FAAH2: variants seen among roughly 807,000 people sequenced by gnomAD.
FAAH2 encodes fatty-acid amide hydrolase 2.
A neutral mutation model predicts 36.9 loss-of-function variants in FAAH2; 60 were observed. That is an observed-to-expected ratio of 1.63 (90% CI 1.32 to 2.02). The LOEUF (loss-of-function observed/expected upper bound fraction) is 2.02, where lower values mean the gene tolerates loss of function less well. FAAH2 is among the 30% of genes most tolerant of loss of function. The pLI is 0.00. For synonymous variants in FAAH2, 214 were observed against 143.8 expected (o/e 1.49, Z -3.49); for missense variants, 689 against 397.5 (o/e 1.73, Z -6.23).
At chrX:57,241,024 G>A in the FAAH2 span, among the ~76,000 whole-genome samples, 8 of 111,888 alleles carry the variant, frequency 7.2e-5, no homozygotes, top group South Asian at 3.0e-3. Context: ...GTGCTCCACT[G>A]CAGCCATTCT....
At chrX:57,380,287 T>G (rs775977185) in intron 6 of FAAH2, among the ~76,000 whole-genome samples, 2 of 111,565 alleles carry the variant, frequency 1.8e-5, no homozygotes, top group East Asian at 5.7e-4. Flanking sequence ...CTTCAACCAT[T>G]TTCCATACAC....
the FAAH2 span, among the ~76,000 whole-genome samples, chrX:57,249,898 C>T: frequency 8.9e-6 from 1 of 111,975 alleles, no homozygotes; most frequent in African/African-American, 3.2e-5. Flanking sequence ...TTCAAAATGA[C>T]TATTGCTTAG....
In FAAH2 at chrX:57,301,409, C is replaced by G. The variant is rs1260442103; in HGVS notation, c.275+8829C>G. ...TTCTCACTCATAGGTGGGAATTGAACAATGAGAACACATGGACACAGGAAG... is the reference window on the plus strand; with the variant it reads ...TTCTCACTCATAGGTGGGAATTGAAGAATGAGAACACATGGACACAGGAAG... On this transcript the variant is annotated intron_variant, in intron 2 of 10. Transcript: ENST00000374900. Among the ~76,000 whole-genome samples the G allele has an allele frequency of 4.4e-5, 4 of 91,649 alleles. No individual in the cohort carries two copies. In the South Asian group the frequency reaches 2.2e-3, roughly 49 times the overall value. The allele number at this position is 91,649 out of a possible 115,157, so 79.6% of individuals were successfully genotyped here.
intron 7 of FAAH2, among the ~76,000 whole-genome samples, chrX:57,397,852 C>T (rs2055341538): frequency 9.2e-6 from 1 of 109,066 alleles, no homozygotes; most frequent in Non-Finnish European, 1.9e-5. Flanking sequence ...ATCCCTCCCC[C>T]TTCCCCCCAC....
At chrX:57,138,825 AC>A in the FAAH2 span, among the ~76,000 whole-genome samples, 2 of 111,874 alleles carry the variant, frequency 1.8e-5, no homozygotes. Flanking sequence ...GATTTAGAAT[AC>A]TTTTTATATA....
At chrX:57,453,173 A>G (rs1385340238) in intron 10 of FAAH2, among the ~76,000 whole-genome samples, 1 of 112,433 alleles carries the variant, frequency 8.9e-6, no homozygotes, top group Non-Finnish European at 1.9e-5. Flanking sequence ...AAGATCTTAG[A>G]TACAAAAAAT....
chrX:57,397,251 G>A (rs1287668703), intron 7 of FAAH2, among the ~76,000 whole-genome samples: 1 of 111,291 alleles, frequency 9.0e-6, no homozygotes, highest in Non-Finnish European at 1.9e-5. Context: ...CAGTATTTAG[G>A]CCATTTACAT....
At chrX:57,382,099 C>G (rs181233201) in intron 7 of FAAH2, among the ~76,000 whole-genome samples, 10 of 111,188 alleles carry the variant, frequency 9.0e-5, no homozygotes, top group African/African-American at 2.9e-4. Flanking sequence ...GAAATGAAGG[C>G]AGAAAAAAAG....
At chrX:57,452,406 C>G (rs947055237) in intron 10 of FAAH2, 1 of 674,254 alleles carries the variant, frequency 1.5e-6, no homozygotes, top group African/African-American at 2.4e-5. Flanking sequence ...TCTCTGAGAA[C>G]AAACTTGACT....
the FAAH2 span, among the ~76,000 whole-genome samples, chrX:57,258,883 T>G: frequency 7.4e-5 from 8 of 108,348 alleles, no homozygotes; most frequent in African/African-American, 2.7e-4. Context: ...TAATTTTGTT[T>G]TTTTTTTTTT....
intron 3 of FAAH2, among the ~76,000 whole-genome samples, chrX:57,318,260 T>C (rs1318818588): frequency 9.0e-6 from 1 of 110,978 alleles, no homozygotes; most frequent in East Asian, 2.8e-4. Context: ...CAAATAGATA[T>C]ACTGCTAGCC....
At chrX:57,418,121 C>T (rs1346969255) in intron 7 of FAAH2, among the ~76,000 whole-genome samples, 2 of 111,918 alleles carry the variant, frequency 1.8e-5, no homozygotes, top group African/African-American at 3.2e-5. Context: ...GACTGCTGTA[C>T]TCACAGTGAG....
the FAAH2 span, among the ~76,000 whole-genome samples, chrX:57,132,694 G>T: frequency 2.7e-5 from 3 of 112,223 alleles, no homozygotes; most frequent in South Asian, 7.4e-4. Context: ...CATCATATAC[G>T]AATAAAAACT....
chrX:57,429,679 G>A (rs753463850), intron 7 of FAAH2, among the ~76,000 whole-genome samples: 6 of 111,308 alleles, frequency 5.4e-5, no homozygotes, highest in Non-Finnish European at 1.1e-4. Flanking sequence ...TCCACTACTG[G>A]TTATCTACCA....
the FAAH2 span, among the ~76,000 whole-genome samples, chrX:57,264,832 G>A: frequency 8.9e-6 from 1 of 112,361 alleles, no homozygotes; most frequent in Non-Finnish European, 1.9e-5. Flanking sequence ...AATTAGGAGT[G>A]GCCAAGATGG....
At chrX:57,401,660 G>A (rs751388664) in intron 7 of FAAH2, among the ~76,000 whole-genome samples, 40 of 111,087 alleles carry the variant, frequency 3.6e-4, no homozygotes, top group South Asian at 3.8e-4. Context: ...GTTGGGCTTC[G>A]GGTCTAAGGG....
At chrX:57,157,959 A>T in the FAAH2 span, among the ~76,000 whole-genome samples, 1 of 110,570 alleles carries the variant, frequency 9.0e-6, no homozygotes, top group Admixed American at 9.6e-5. Flanking sequence ...TTAACTCATC[A>T]TTTAACATTA....
chrX:57,245,070 A>T, the FAAH2 span, among the ~76,000 whole-genome samples: 3 of 111,480 alleles, frequency 2.7e-5, no homozygotes, highest in Non-Finnish European at 5.7e-5. Context: ...AAAAAAGCAA[A>T]CATTGCAATC....
chrX:57,463,672 T>C lies in FAAH2; in HGVS notation c.1423+14954T>C, dbSNP rs150988978. Among the ~76,000 whole-genome samples the C allele has an allele frequency of 9.6e-4, 108 of 111,938 alleles. No individual in the cohort carries two copies. The East Asian group carries it at 0.029, about 30-fold the overall frequency. On this transcript the variant is annotated intron_variant, in intron 10 of 10. Coordinates refer to ENST00000374900, the MANE Select transcript of FAAH2 (RefSeq NM_174912.4). Reference sequence around the variant, plus strand: ...AAAAAAAGCTCATCATCACTGGTCATTAGAGAAATGCAAATCAAAACCACA... The same window carrying C: ...AAAAAAAGCTCATCATCACTGGTCACTAGAGAAATGCAAATCAAAACCACA...
Sources: gnomAD v4.1 joint callset for allele counts (sites outside exome capture counted in the v4.1 genomes callset) on GRCh38, gnomAD v4.1.1 for gene constraint, MANE v1.5 for transcripts, NCBI Gene and HGNC (gene_info 2026-07-23, HGNC 2026-07-21) for gene names.